KIF26B: variants seen among roughly 807,000 people sequenced by gnomAD.
KIF26B encodes kinesin family member 26B.
Under a neutral mutation model 151.2 loss-of-function variants are expected in KIF26B, and 63 were observed. That is an observed-to-expected ratio of 0.42 (90% CI 0.34 to 0.51). The LOEUF is 0.51. Ranked by LOEUF, KIF26B falls within the 20% of genes least tolerant of loss-of-function variation. KIF26B has a pLI of 0.07. For synonymous variants in KIF26B, 1,357 were observed against 1,262.1 expected (o/e 1.08, Z -1.59); for missense variants, 2,813 against 2,913.6 (o/e 0.97, Z 0.79).
chr1:245,669,581 C>T (rs2044258924), intron 10 of KIF26B, among the ~76,000 whole-genome samples: 1 of 152,196 alleles, frequency 6.6e-6, no homozygotes, highest in East Asian at 1.9e-4. Flanking sequence ...AAAAGATACT[C>T]AGCATCATTA....
Position 245,241,490 on chromosome 1 carries a change from C to G in KIF26B, c.465+84807C>G, listed in dbSNP as rs1670209894. 6.6e-6 allele frequency among the ~76,000 whole-genome samples: 1 copy of G among 152,192 alleles called. No homozygotes were observed. ...AGAGCATGGGAGGAAGCAGCAGCAG[C>G]AGAATCCCAGGACCCCCAAAGTGGG... On this transcript the variant is annotated intron_variant, in intron 2 of 14. Coordinates refer to ENST00000407071, the MANE Select transcript of KIF26B (RefSeq NM_018012.4). This position sits in a 1 kb window ranked among gnomAD's most constrained non-coding sequence, Gnocchi z 5.0.
intron 4 of KIF26B, among the ~76,000 whole-genome samples, chr1:245,466,404 G>A (rs1364282560): frequency 1.3e-5 from 2 of 152,202 alleles, no homozygotes; most frequent in African/African-American, 2.4e-5. Context: ...GCTGCAACCC[G>A]AAGTTATTTT....
At position 245,688,074 on chromosome 1, in the gene KIF26B, G is replaced by A. The variant is rs193077490; in HGVS notation, c.5091G>A (p.Ala1697=). ...CCTCCGTGAGCTCCCGGCTGCACGC[G>A]GGCAAGGACGGCACCATGCCCCGCG... is the stretch of plus-strand genomic sequence containing the variant. ...SLSSVSSRLH[A]GKDGTMPRAG... Residue 1697 remains alanine, a synonymous_variant, in exon 12 of 15, where the codon GCG becomes GCA. Transcript: ENST00000407071. 2.5e-5 allele frequency: 39 copies of A among 1,552,140 alleles called. No homozygotes were observed. The highest frequency in any genetic ancestry group is 1.5e-4 in the Admixed American group (8 of 51,650).
In KIF26B at chr1:245,324,290, A is replaced by G. The variant is rs920546369; in HGVS notation, c.466-42544A>G. ...TTTTCAGACCTGGAATAGACTCCCT[A>G]TGGTGGACAGAGTTGCTGGAAAAAA... On this transcript the variant is annotated intron_variant, in intron 2 of 14. Coordinates refer to ENST00000407071, the MANE Select transcript of KIF26B (RefSeq NM_018012.4). Among the ~76,000 whole-genome samples, 14 of 152,336 alleles carry G rather than the reference A, an allele frequency of 9.2e-5. 1 individual carries two copies. Among genetic ancestry groups the G allele is most frequent in the Admixed American group, 5.2e-4 (8 of 15,300 alleles).
chr1:245,491,790 C>T (rs1960027), intron 4 of KIF26B, among the ~76,000 whole-genome samples: 5,032 of 152,176 alleles, frequency 0.033, 130 homozygotes, highest in Non-Finnish European at 0.05. Context: ...TGCCTGTAAT[C>T]CCAGCTACTC....
intron 4 of KIF26B, among the ~76,000 whole-genome samples, chr1:245,457,506 C>T (rs1218209723): frequency 1.3e-5 from 2 of 152,102 alleles, no homozygotes; most frequent in Non-Finnish European, 1.5e-5. Context: ...CTTAATGTTT[C>T]GGCACTTTTT....
At chr1:245,509,773 G>A (rs979067972) in intron 4 of KIF26B, among the ~76,000 whole-genome samples, 21 of 152,192 alleles carry the variant, frequency 1.4e-4, no homozygotes, top group African/African-American at 4.8e-4. Context: ...GACCACTCAG[G>A]AATCAGTCAC....
At chr1:245,586,195 GTGTT>G (rs1388302587) in intron 5 of KIF26B, among the ~76,000 whole-genome samples, 2 of 137,502 alleles carry the variant, frequency 1.5e-5, no homozygotes, top group African/African-American at 5.7e-5. Context: ...GTGTGTGTGT[GTGTT>G]TGTTTTAATA....
rs902247848 is a variant in KIF26B, at chr1:245,156,667, G to A, written c.449G>A (p.Gly150Glu). The A allele has an allele frequency of 4.9e-5, 73 of 1,501,080 alleles. No homozygotes were observed. The highest frequency in any genetic ancestry group is 6.4e-5 in the Non-Finnish European group (72 of 1,132,644). 93.0% of individuals were successfully genotyped at this position (1,501,080 alleles called of 1,614,324 possible). ...CAGGCCCTGAGGTTGCTCCTCCCGG[G>A]GCCCTTCCCGGGCAAGGTGAGCGCC... ...KRQALRLLLP[G>E]PFPGKDPAFS... Residue 150 changes from glycine (G) to glutamate (E), a missense_variant, in exon 2 of 15, where the codon GGG (glycine) becomes GAG (glutamate). Gly to Glu is a moderately conservative substitution (Grantham distance 98). Coordinates refer to ENST00000407071, the MANE Select transcript of KIF26B (RefSeq NM_018012.4).
chr1:245,228,588 C>T (rs1444729722), intron 2 of KIF26B, among the ~76,000 whole-genome samples: 1 of 151,600 alleles, frequency 6.6e-6, no homozygotes, highest in Non-Finnish European at 1.5e-5. Flanking sequence ...AAACAAAAGG[C>T]AGTTTCCGCA....
In KIF26B at chr1:245,366,934, C is replaced by T; in HGVS notation, c.566C>T (p.Thr189Ile). Residue 189 changes from threonine to isoleucine, a missense_variant, in exon 3 of 15, where the codon ACT (threonine) becomes ATT (isoleucine). Physicochemically the swap from Thr to Ile is moderately conservative, Grantham distance 89 (BLOSUM62 -1). This residue lies in a region of KIF26B where 676 missense variants were observed against 688.1 expected (regional missense o/e 0.98). Transcript: ENST00000407071. ...GACAACCGCTGTGACATTTGCGCCA[C>T]TCACCTGAACCAGTTGAAGCAGGAG... is the stretch of plus-strand genomic sequence containing the variant. Reference protein sequence around the residue: ...DRDNRCDICATHLNQLKQEAI... With the variant: ...DRDNRCDICAIHLNQLKQEAI... 1 of 1,614,056 alleles carries T rather than the reference C, an allele frequency of 6.2e-7. No homozygotes were observed. Among genetic ancestry groups the T allele is most frequent in the South Asian group, 1.1e-5 (1 of 91,086 alleles).
At chr1:245,480,517 C>T (rs1014680190) in intron 4 of KIF26B, among the ~76,000 whole-genome samples, 5 of 151,618 alleles carry the variant, frequency 3.3e-5, no homozygotes, top group Admixed American at 2.0e-4. Flanking sequence ...AACAGGCCCT[C>T]GTGCTTCTGT....
At chr1:245,236,039 C>T (rs932277218) in intron 2 of KIF26B, among the ~76,000 whole-genome samples, 2 of 151,888 alleles carry the variant, frequency 1.3e-5, no homozygotes, top group Non-Finnish European at 2.9e-5. Context: ...AAGTGATTCT[C>T]CTGCCCCAGC....
chr1:245,695,358 G>A (rs189641632), intron 12 of KIF26B, among the ~76,000 whole-genome samples: 94 of 152,146 alleles, frequency 6.2e-4, no homozygotes, highest in African/African-American at 2.1e-3. Flanking sequence ...CATTACCCCT[G>A]CCCCAGTACT....
At chr1:245,690,052 A>G (rs1204167940) in intron 12 of KIF26B, among the ~76,000 whole-genome samples, 2 of 152,276 alleles carry the variant, frequency 1.3e-5, no homozygotes, top group Admixed American at 6.5e-5. Flanking sequence ...AAGGATGGTA[A>G]GGAGAGAAAA....
chr1:245,261,423 G>A lies in KIF26B; in HGVS notation c.465+104740G>A, dbSNP rs977244121. ...TGGGATTAGAGGCATGAGCCACCGCGCCCAGCTTGTTCGCGCTCGCTTGCT... is the reference window on the plus strand; with the variant it reads ...TGGGATTAGAGGCATGAGCCACCGCACCCAGCTTGTTCGCGCTCGCTTGCT... On this transcript the variant is annotated intron_variant, in intron 2 of 14. Transcript: ENST00000407071. 5.3e-5 allele frequency among the ~76,000 whole-genome samples: 8 copies of A among 151,308 alleles called. No individual in the cohort carries two copies. The South Asian group carries it at 1.0e-3, about 20-fold the overall frequency.
Position 245,445,706 on chromosome 1 carries a change from C to T in KIF26B, c.1166+25961C>T, listed in dbSNP as rs557494031. On this transcript the variant is annotated intron_variant, in intron 4 of 14. Coordinates refer to ENST00000407071, the MANE Select transcript of KIF26B (RefSeq NM_018012.4). ...CTAAATGCCCAGCTACGCTGGTCAC[C>T]GAGTATCCGCCTTGCTCTCCCAGGT... 5.3e-5 allele frequency among the ~76,000 whole-genome samples: 8 copies of T among 152,290 alleles called. No individual in the cohort carries two copies. In the East Asian group the frequency reaches 5.8e-4, roughly 11 times the overall value.
At chr1:245,361,518 G>A (rs1672818822) in intron 2 of KIF26B, among the ~76,000 whole-genome samples, 1 of 152,196 alleles carries the variant, frequency 6.6e-6, no homozygotes, top group Admixed American at 6.5e-5. Context: ...ACCATCACTG[G>A]GTGAAGGGCT....
intron 2 of KIF26B, among the ~76,000 whole-genome samples, chr1:245,317,902 G>A (rs184559685): frequency 2.0e-5 from 3 of 152,282 alleles, no homozygotes; most frequent in South Asian, 2.1e-4. Context: ...TAGAGTGGCC[G>A]CTGGGTCTTA....
Sources: allele counts gnomAD v4.1 joint callset (sites outside exome capture counted in the v4.1 genomes callset), GRCh38; gene constraint gnomAD v4.1.1; regional missense constraint gnomAD v4.1.1; non-coding constraint Gnocchi (gnomAD v3.1); transcripts MANE v1.5; gene names NCBI Gene and HGNC (gene_info 2026-07-23, HGNC 2026-07-21).